Variants in CHRDL2 observed in about 807,000 individuals in gnomAD.
The protein encoded by CHRDL2 is chordin-like protein 2.
In CHRDL2, 41 loss-of-function variants were observed where a neutral mutation model predicts 54.3. The observed-to-expected ratio is 0.76, with a 90% CI of 0.59 to 0.98. CHRDL2 has a LOEUF of 0.98. Ranked by LOEUF, CHRDL2 falls within the 50% of genes least tolerant of loss-of-function variation. CHRDL2 has a pLI of 0.00. For missense variants in CHRDL2, 518 were observed against 562.4 expected (o/e 0.92, Z 0.80); for synonymous variants, 220 against 224.3 (o/e 0.98, Z 0.17).
intron 9 of CHRDL2, chr11:74,697,739 G>A (rs1444129180): frequency 1.8e-5 from 6 of 328,510 alleles, no homozygotes; most frequent in Non-Finnish European, 3.0e-5. Context: ...AGTGCAGGGA[G>A]GGAGGGAAGT....
intron 3 of CHRDL2, among the ~76,000 whole-genome samples, chr11:74,712,764 C>A (rs1591361685): frequency 6.6e-6 from 1 of 152,196 alleles, no homozygotes; most frequent in Non-Finnish European, 1.5e-5. Context: ...GGCCTCCCCT[C>A]TGGCTGCCCC....
intron 1 of CHRDL2, among the ~76,000 whole-genome samples, chr11:74,729,883 G>A (rs1434448362): frequency 1.3e-5 from 2 of 152,186 alleles, no homozygotes; most frequent in Non-Finnish European, 2.9e-5. Flanking sequence ...GGCGCAGTGA[G>A]GAAACTGAGG....
chr11:74,705,755 GC>G (rs2033989421), intron 6 of CHRDL2, among the ~76,000 whole-genome samples: 1 of 152,094 alleles, frequency 6.6e-6, no homozygotes, highest in South Asian at 2.1e-4. Context: ...CAGGTCTCAG[GC>G]CCCCACCTGA....
At chr11:74,700,715 T>G (rs1413133166) in intron 9 of CHRDL2, among the ~76,000 whole-genome samples, 1 of 151,406 alleles carries the variant, frequency 6.6e-6, no homozygotes, top group Non-Finnish European at 1.5e-5. Context: ...CTTAGCTCAC[T>G]GCAACCTCCT....
chr11:74,703,174 T>C (rs1015613013), intron 8 of CHRDL2, 131 bp downstream of exon 8: 13 of 1,162,722 alleles, frequency 1.1e-5, no homozygotes, highest in Non-Finnish European at 1.6e-5. Context: ...GTGTCTGACA[T>C]GCCCTGCATC....
chr11:74,707,077 C>A lies in CHRDL2; in HGVS notation c.527-535G>T, dbSNP rs185223327. Among the ~76,000 whole-genome samples, 3 of 152,306 alleles carry A rather than the reference C, an allele frequency of 2.0e-5. No homozygotes were observed. In the East Asian group the frequency reaches 5.8e-4, roughly 29 times the overall value. On this transcript the variant is annotated intron_variant, in intron 5 of 10. Coordinates refer to ENST00000376332, the MANE Select transcript of CHRDL2 (RefSeq NM_001278473.3). ...CCTATTCCCCTGGGAAACCAGCACA[C>A]AAAGCCGTTTGGAGCCCTGCAGCTT...
intron 1 of CHRDL2, among the ~76,000 whole-genome samples, chr11:74,726,890 G>A (rs115051730): frequency 6.8e-4 from 103 of 152,306 alleles, no homozygotes; most frequent in African/African-American, 2.3e-3. Context: ...ATGGGGATGC[G>A]ACTAAGCTGG....
chr11:74,700,225 A>G (rs2033754495), intron 9 of CHRDL2, among the ~76,000 whole-genome samples: 1 of 152,226 alleles, frequency 6.6e-6, no homozygotes, highest in African/African-American at 2.4e-5. Context: ...AGAGGATTAA[A>G]TGAGATACAT....
chr11:74,700,637 A>T (rs1247033906), intron 9 of CHRDL2, among the ~76,000 whole-genome samples: 6 of 139,566 alleles, frequency 4.3e-5, no homozygotes, highest in African/African-American at 1.6e-4. Flanking sequence ...TATTATTATT[A>T]TTATTATTTT....
Position 74,697,078 on chromosome 11 carries a change from G to T in CHRDL2, c.1213+127C>A, listed in dbSNP as rs974243594. Reference sequence around the variant, plus strand: ...AGACACCCGCTGGATTCCTGTGCTGGGAACTGACGTCTGTGGCTGACAGCC... The same window carrying T: ...AGACACCCGCTGGATTCCTGTGCTGTGAACTGACGTCTGTGGCTGACAGCC... On this transcript the variant is annotated intron_variant, in intron 10 of 10. Coordinates refer to ENST00000376332, the MANE Select transcript of CHRDL2 (RefSeq NM_001278473.3). The T allele has an allele frequency of 4.4e-6, 3 of 681,082 alleles. No homozygotes were observed. In the Admixed American group the frequency reaches 7.2e-5, roughly 16 times the overall value. The allele number at this position is 681,082 out of a possible 1,614,324, so 42.2% of individuals were successfully genotyped here.
chr11:74,710,856 C>T lies in CHRDL2; in HGVS notation c.425G>A (p.Ser142Asn), dbSNP rs1043060927. 2 of 1,613,926 alleles carry T rather than the reference C, an allele frequency of 1.2e-6. No homozygotes were observed. Among genetic ancestry groups the T allele is most frequent in the Non-Finnish European group, 1.7e-6 (2 of 1,179,980 alleles). Residue 142 changes from serine (S) to asparagine (N), a missense_variant, in exon 4 of 11, where the codon AGC becomes AAC. Ser to Asn is a conservative substitution (Grantham distance 46). Transcript: ENST00000376332. ...GAAGGCAGGAGTTCTTACTGTGCAGCTGCAGAGGACACACTGGTTGGGCAG... is the reference window on the plus strand; with the variant it reads ...GAAGGCAGGAGTTCTTACTGTGCAGTTGCAGAGGACACACTGGTTGGGCAG... ...SRLPNQCVLCSCTEGQIYCGL... is the reference protein window; with the variant it reads ...SRLPNQCVLCNCTEGQIYCGL...
intron 1 of CHRDL2, among the ~76,000 whole-genome samples, chr11:74,724,880 T>A (rs1214931740): frequency 2.0e-5 from 3 of 152,208 alleles, no homozygotes; most frequent in Non-Finnish European, 4.4e-5. Context: ...AGGTAGAGCC[T>A]ACATAGAGTT....
chr11:74,708,526 A>T, intron 4 of CHRDL2, 131 bp from the exon 5 acceptor site: 1 of 658,512 alleles, frequency 1.5e-6, no homozygotes, highest in Non-Finnish European at 2.5e-6. Context: ...AAGCAACAGC[A>T]TCTCCACAGC....
In CHRDL2 at chr11:74,715,410, C is replaced by A. The variant is rs548951658; in HGVS notation, c.196-1931G>T. 2.0e-4 allele frequency among the ~76,000 whole-genome samples: 31 copies of A among 152,050 alleles called. 1 individual carries two copies. In the South Asian group the frequency reaches 6.0e-3, roughly 30 times the overall value. Reference sequence around the variant, plus strand: ...CTTGAGGTCAGGAGTTTGAGACCAGCCTGGCCAACATGGCAAAACCCCGTC... The same window carrying A: ...CTTGAGGTCAGGAGTTTGAGACCAGACTGGCCAACATGGCAAAACCCCGTC... On this transcript the variant is annotated intron_variant, in intron 2 of 10. Coordinates refer to ENST00000376332, the MANE Select transcript of CHRDL2 (RefSeq NM_001278473.3).
chr11:74,717,112 A>AC (rs202173740), intron 2 of CHRDL2, among the ~76,000 whole-genome samples: 52,421 of 150,506 alleles, frequency 0.35, 10,014 homozygotes, highest in East Asian at 0.53. Context: ...AAACAAACAA[A>AC]AAAAAAAAAC....
chr11:74,708,438 G>T, intron 4 of CHRDL2, 43 bp from the exon 5 acceptor site: 1 of 1,446,266 alleles, frequency 6.9e-7, no homozygotes, highest in Non-Finnish European at 9.3e-7. Context: ...GCTCTGATAA[G>T]GGCTAGCCTT....
In CHRDL2 at chr11:74,710,949, C is replaced by G. The variant is rs1565153434; in HGVS notation, c.332G>C (p.Cys111Ser). ...PSGLRAPPKS[C>S]QHNGTMYQHG... ...TTGGTACATGGTCCCGTTGTGCTGG[C>G]AGGACTTTGGTGGGGCCCGGAGTCC... The change falls in exon 4 of 11, where the codon TGC (cysteine) becomes TCC (serine). Residue 111 changes from cysteine to serine, a missense_variant. Coordinates refer to ENST00000376332, the MANE Select transcript of CHRDL2 (RefSeq NM_001278473.3). 6.2e-7 allele frequency: 1 copy of G among 1,614,064 alleles called. No homozygotes were observed. The highest frequency in any genetic ancestry group is 1.7e-5 in the Admixed American group (1 of 60,008).
intron 1 of CHRDL2, among the ~76,000 whole-genome samples, chr11:74,722,651 C>T (rs1282704233): frequency 6.6e-6 from 1 of 152,136 alleles, no homozygotes; most frequent in Non-Finnish European, 1.5e-5. Context: ...CATCCCCAGG[C>T]ACCTATTAGG....
intron 1 of CHRDL2, among the ~76,000 whole-genome samples, chr11:74,727,703 C>T (rs921018097): frequency 1.3e-5 from 2 of 152,094 alleles, no homozygotes; most frequent in Non-Finnish European, 2.9e-5. Flanking sequence ...CTGCACCCAG[C>T]CCCATGTTTT....
Sources: gnomAD v4.1 joint callset for allele counts (sites outside exome capture counted in the v4.1 genomes callset) on GRCh38, gnomAD v4.1.1 for gene constraint, MANE v1.5 for transcripts, NCBI Gene and HGNC (gene_info 2026-07-23, HGNC 2026-07-21) for gene names.